The following GTF2H5 variants were observed in gnomAD, a reference collection of about 807,000 sequenced individuals.
The protein encoded by GTF2H5 is general transcription factor IIH subunit 5, also known as TFB5 ortholog.
In GTF2H5, 5 loss-of-function variants were observed where a neutral mutation model predicts 7.1. The observed-to-expected ratio is 0.71, with a 90% CI of 0.37 to 1.49. The LOEUF (loss-of-function observed/expected upper bound fraction) is 1.49. GTF2H5 is among the 40% of genes most tolerant of loss of function. GTF2H5 has a pLI of 0.03. For synonymous variants in GTF2H5, 30 were observed against 31.7 expected, an observed-to-expected ratio of 0.95 and a Z score of 0.18; for missense variants, 80 against 83.0, an observed-to-expected ratio of 0.96 and a Z score of 0.14.
In GTF2H5 at chr6:158,198,260, G is replaced by C. The variant is rs982827267; in HGVS notation, c.*6103G>C. On this transcript the variant is annotated 3_prime_UTR_variant, in exon 3 of 3. Transcript: ENST00000607778. ...TTTCATTGATCTCAAAACTGTCTCTGAGTAACTCTACCAGGAAAGTTGTCT... is the reference window on the plus strand; with the variant it reads ...TTTCATTGATCTCAAAACTGTCTCTCAGTAACTCTACCAGGAAAGTTGTCT... 6.6e-6 allele frequency: 1 copy of C among 152,164 alleles called. No homozygotes were observed. The highest frequency in any genetic ancestry group is 2.4e-5 in the African/African-American group (1 of 41,426). 9.4% of individuals were successfully genotyped at this position (152,164 alleles called of 1,614,324 possible).
rs1199319898 is a variant in GTF2H5 at position 158,196,077 on chromosome 6, C to T, written c.*3920C>T. 2.0e-5 allele frequency: 3 copies of T among 152,102 alleles called. No homozygotes were observed. Among genetic ancestry groups the T allele is most frequent in the Non-Finnish European group, 4.4e-5 (3 of 68,036 alleles). The allele number at this position is 152,102 out of a possible 1,614,324, so 9.4% of individuals were successfully genotyped here. ...CGGGCAAATCACAAGGTCAGGAGAT[C>T]AAAACAATCCTGGCTAACAAGGTGA... is the stretch of plus-strand genomic sequence containing the variant. On this transcript the variant is annotated 3_prime_UTR_variant, in exon 3 of 3. Coordinates refer to ENST00000607778, the MANE Select transcript of GTF2H5 (RefSeq NM_207118.3).
intron 1 of GTF2H5, among the ~76,000 whole-genome samples, chr6:158,169,425 A>ATATGTATATTATATATTATATATAT (rs1231681450): frequency 1.4e-5 from 1 of 72,846 alleles, no homozygotes; most frequent in Non-Finnish European, 2.2e-5. Flanking sequence ...ATTATATATA[A>ATATGTATATTATATATTATATATAT]TATATTGTAT....
intron 2 of GTF2H5, among the ~76,000 whole-genome samples, chr6:158,178,949 G>A (rs993106579): frequency 6.6e-6 from 1 of 152,064 alleles, no homozygotes; most frequent in African/African-American, 2.4e-5. Context: ...ATGAAGCCCA[G>A]GTTTTCTTCT....
chr6:158,169,508 T>TATATGTAATATACA (rs1562468434), intron 1 of GTF2H5, among the ~76,000 whole-genome samples: 2 of 67,320 alleles, frequency 3.0e-5, no homozygotes, highest in African/African-American at 6.3e-5. Flanking sequence ...TATAATATAT[T>TATATGTAATATACA]GTATATTATA....
At chr6:158,180,792 T>C (rs1229850771) in intron 2 of GTF2H5, among the ~76,000 whole-genome samples, 1 of 152,080 alleles carries the variant, frequency 6.6e-6, no homozygotes, top group Admixed American at 6.6e-5. Flanking sequence ...GTCTATCTAT[T>C]TTGTTGATCT....
intron 1 of GTF2H5, among the ~76,000 whole-genome samples, chr6:158,169,723 A>G (rs868065606): frequency 9.9e-6 from 1 of 100,882 alleles, no homozygotes; most frequent in African/African-American, 4.4e-5. Flanking sequence ...TATATATTAT[A>G]TAATATATTG....
At chr6:158,177,365 C>T (rs1412518522) in intron 2 of GTF2H5, among the ~76,000 whole-genome samples, 1 of 152,160 alleles carries the variant, frequency 6.6e-6, no homozygotes, top group African/African-American at 2.4e-5. Context: ...CAGAGCTATA[C>T]AGTTTTCCCA....
Position 158,193,126 on chromosome 6 carries a change from C to T in GTF2H5, c.*969C>T, listed in dbSNP as rs1777055240. The T allele has an allele frequency of 6.7e-6, 1 of 148,972 alleles. No homozygotes were observed. Among genetic ancestry groups the T allele is most frequent in the Non-Finnish European group, 1.5e-5 (1 of 67,092 alleles). 9.2% of individuals were successfully genotyped at this position (148,972 alleles called of 1,614,324 possible). ...CTGAGGCAGGCAGATCGCTTGAGTCCAGGAGTCGAAACCCTGTCTCTACAA... is the reference window on the plus strand; with the variant it reads ...CTGAGGCAGGCAGATCGCTTGAGTCTAGGAGTCGAAACCCTGTCTCTACAA... On this transcript the variant is annotated 3_prime_UTR_variant, in exon 3 of 3. Transcript: ENST00000607778.
At chr6:158,181,548 G>A (rs955196534) in intron 2 of GTF2H5, among the ~76,000 whole-genome samples, 2 of 152,066 alleles carry the variant, frequency 1.3e-5, no homozygotes, top group Non-Finnish European at 2.9e-5. Context: ...TACGAATCTG[G>A]GTCCCCCTGT....
At chr6:158,179,408 T>C (rs1326839698) in intron 2 of GTF2H5, among the ~76,000 whole-genome samples, 1 of 152,128 alleles carries the variant, frequency 6.6e-6, no homozygotes, top group East Asian at 1.9e-4. Context: ...TTGATGGGGA[T>C]AGCATTGAAT....
intron 2 of GTF2H5, among the ~76,000 whole-genome samples, chr6:158,175,999 G>C (rs1785927869): frequency 6.6e-6 from 1 of 152,130 alleles, no homozygotes; most frequent in African/African-American, 2.4e-5. Flanking sequence ...GCTATACTAA[G>C]CACTTGCTAA....
intron 2 of GTF2H5, among the ~76,000 whole-genome samples, chr6:158,172,461 A>C (rs929013316): frequency 6.6e-6 from 1 of 151,828 alleles, no homozygotes; most frequent in African/African-American, 2.4e-5. Flanking sequence ...CACCCGGCTA[A>C]TTTTATTTTT....
At position 158,169,495 on chromosome 6, in the gene GTF2H5, T is replaced by TTATATGTAATATACAGTATATTA. The variant is rs1554266981; in HGVS notation, c.-34-970_-34-969insGTAATATACAGTATATTATATAT. 2.9e-3 allele frequency among the ~76,000 whole-genome samples: 156 copies of TTATATGTAATATACAGTATATTA among 54,406 alleles called. 5 individuals are homozygous for TTATATGTAATATACAGTATATTA. The highest frequency in any genetic ancestry group is 0.014 in the African/African-American group (151 of 11,122). The allele number at this position is 54,406 out of a possible 152,430, so 35.7% of individuals were successfully genotyped here. A position where few individuals can be genotyped will look rare whatever the true frequency, so the allele number is the denominator to read the frequency against. ...TATATTATATATAATATATTGTATA[T>TTATATGTAATATACAGTATATTA]TATATAATATATTGTATATTATATA... is the stretch of plus-strand genomic sequence containing the variant. On this transcript the variant is annotated intron_variant, in intron 1 of 2. Coordinates refer to ENST00000607778, the MANE Select transcript of GTF2H5 (RefSeq NM_207118.3).
At chr6:158,173,998 TG>T (rs1407503462) in intron 2 of GTF2H5, among the ~76,000 whole-genome samples, 1 of 152,064 alleles carries the variant, frequency 6.6e-6, no homozygotes, top group African/African-American at 2.4e-5. Flanking sequence ...GTGGTGCTGG[TG>T]GGGGTGGTTT....
intron 2 of GTF2H5, among the ~76,000 whole-genome samples, chr6:158,182,478 T>C (rs1786023893): frequency 6.6e-6 from 1 of 152,214 alleles, no homozygotes; most frequent in Non-Finnish European, 1.5e-5. Flanking sequence ...GTTTTCCAAC[T>C]TGGCTCCATT....
chr6:158,179,289 A>T (rs1785974400), intron 2 of GTF2H5, among the ~76,000 whole-genome samples: 2 of 152,128 alleles, frequency 1.3e-5, no homozygotes, highest in African/African-American at 4.8e-5. Flanking sequence ...TGATGCCTCT[A>T]GTTTTGTTCT....
intron 1 of GTF2H5, among the ~76,000 whole-genome samples, chr6:158,169,745 T>TTGTATATTA (rs1554267172): frequency 7.0e-4 from 38 of 54,038 alleles, no homozygotes; most frequent in African/African-American, 3.9e-3. Flanking sequence ...ATATTATATA[T>TTGTATATTA]TATATAATAT....
rs760020614 is a variant in GTF2H5 at position 158,199,153 on chromosome 6, C to T, written c.*6996C>T. 8 of 152,138 alleles carry T rather than the reference C, an allele frequency of 5.3e-5. No homozygotes were observed. The highest frequency in any genetic ancestry group is 1.2e-4 in the Non-Finnish European group (8 of 68,026). The allele number at this position is 152,138 out of a possible 1,614,324, so 9.4% of individuals were successfully genotyped here. A position where few individuals can be genotyped will look rare whatever the true frequency, so the allele number is the denominator to read the frequency against. On this transcript the variant is annotated 3_prime_UTR_variant, in exon 3 of 3. Transcript: ENST00000607778. ...GAAAACCTGTTTCTGCTGCTCCCAA[C>T]ATGATTTAATCTTGGCTACTGAGCT...
At position 158,194,028 on chromosome 6, in the gene GTF2H5, A is replaced by G. The variant is rs1777069669; in HGVS notation, c.*1871A>G. On this transcript the variant is annotated 3_prime_UTR_variant, in exon 3 of 3. Coordinates refer to ENST00000607778, the MANE Select transcript of GTF2H5 (RefSeq NM_207118.3). ...AAAAAAATGAATTTCCAGCTATACC[A>G]AAATGTTACTAATGTATCTTATATT... The G allele has an allele frequency of 6.6e-6, 1 of 151,772 alleles. No homozygotes were observed. Among genetic ancestry groups the G allele is most frequent in the East Asian group, 1.9e-4 (1 of 5,188 alleles). The allele number at this position is 151,772 out of a possible 1,614,324, so 9.4% of individuals were successfully genotyped here.
Sources: gnomAD v4.1 joint callset for allele counts (sites outside exome capture counted in the v4.1 genomes callset) on GRCh38, gnomAD v4.1.1 for gene constraint, MANE v1.5 for transcripts, NCBI Gene and HGNC (gene_info 2026-07-23, HGNC 2026-07-21) for gene names.